SNX25: variants seen among roughly 807,000 people sequenced by gnomAD.
SNX25 encodes the protein sorting nexin 25.
A neutral mutation model predicts 113.7 loss-of-function variants in SNX25; 62 were observed. The ratio of observed to expected loss-of-function variants is 0.55; its 90% CI spans 0.44 to 0.67. The LOEUF is 0.67. SNX25 is among the 30% of genes least tolerant of loss of function. The pLI is 0.00. For missense variants in SNX25, 1,014 were observed against 1,161.0 expected, an observed-to-expected ratio of 0.87 and a Z score of 1.84; for synonymous variants, 421 against 436.2, an observed-to-expected ratio of 0.97 and a Z score of 0.43.
At chr4:185,306,068 ACT>A (rs1167035913) in intron 6 of SNX25, among the ~76,000 whole-genome samples, 1 of 152,030 alleles carries the variant, frequency 6.6e-6, no homozygotes, top group Non-Finnish European at 1.5e-5. Flanking sequence ...CAGCCACATA[ACT>A]CTGGCATGAG....
chr4:185,216,043 C>T (rs1579313993), intron 1 of SNX25, among the ~76,000 whole-genome samples: 1 of 152,102 alleles, frequency 6.6e-6, no homozygotes, highest in Non-Finnish European at 1.5e-5. Flanking sequence ...GTGATCCACC[C>T]GTCTTGGCCT....
downstream of SNX25, among the ~76,000 whole-genome samples, chr4:185,368,651 C>A (rs1253144222): frequency 6.6e-6 from 1 of 152,180 alleles, no homozygotes; most frequent in East Asian, 1.9e-4. Context: ...TTATCAGTAT[C>A]CCCATAATGT....
At chr4:185,269,023 T>C (rs543702685) in intron 5 of SNX25, among the ~76,000 whole-genome samples, 1 of 152,204 alleles carries the variant, frequency 6.6e-6, no homozygotes, top group South Asian at 2.1e-4. Context: ...ATGATATTCT[T>C]TATAGATTTG....
chr4:185,375,811 C>A, the SNX25 span: 1 of 709,880 alleles, frequency 1.4e-6, no homozygotes, highest in Non-Finnish European at 2.3e-6. Flanking sequence ...GTGTTTGTGC[C>A]CAAGTTAAAC....
intron 6 of SNX25, among the ~76,000 whole-genome samples, chr4:185,299,215 C>T (rs1395219635): frequency 1.3e-5 from 2 of 152,126 alleles, no homozygotes; most frequent in Non-Finnish European, 2.9e-5. Context: ...GGGTGGATGG[C>T]GGCACATGCG....
At chr4:185,311,725 A>G (rs565031023) in intron 7 of SNX25, among the ~76,000 whole-genome samples, 24 of 152,210 alleles carry the variant, frequency 1.6e-4, no homozygotes, top group Admixed American at 1.6e-3. Flanking sequence ...TCTCGGTTCT[A>G]CTTCAGCTAC....
At chr4:185,241,367 A>G (rs1743962633) in intron 1 of SNX25, among the ~76,000 whole-genome samples, 1 of 151,238 alleles carries the variant, frequency 6.6e-6, no homozygotes, top group Admixed American at 6.6e-5. Context: ...AATCGCAGGC[A>G]CTCGGCAGGC....
chr4:185,249,640 C>T (rs1745365044), intron 2 of SNX25, among the ~76,000 whole-genome samples: 1 of 151,476 alleles, frequency 6.6e-6, no homozygotes, highest in African/African-American at 2.4e-5. Flanking sequence ...CCTCTCTGTT[C>T]TTTAGATAGA....
chr4:185,211,447 G>C (rs889616735), intron 1 of SNX25, among the ~76,000 whole-genome samples: 2 of 152,102 alleles, frequency 1.3e-5, no homozygotes, highest in African/African-American at 4.8e-5. Flanking sequence ...AGCAGGAGTT[G>C]CGGAGCAGAT....
At chr4:185,316,858 T>C (rs1005408907) in intron 7 of SNX25, among the ~76,000 whole-genome samples, 2 of 152,208 alleles carry the variant, frequency 1.3e-5, no homozygotes, top group African/African-American at 4.8e-5. Context: ...ATTTTGTGCT[T>C]CAAAATGCTT....
intron 7 of SNX25, among the ~76,000 whole-genome samples, chr4:185,317,480 C>G (rs1490310011): frequency 6.6e-6 from 1 of 152,066 alleles, no homozygotes; most frequent in African/African-American, 2.4e-5. Flanking sequence ...GGTTTATACC[C>G]AAAGGATTAT....
chr4:185,254,929 T>TC (rs911686233), intron 2 of SNX25, among the ~76,000 whole-genome samples: 6 of 152,138 alleles, frequency 3.9e-5, no homozygotes, highest in Admixed American at 2.6e-4. Flanking sequence ...TCTGTATATT[T>TC]CTTTTTTTTT....
At chr4:185,357,977 C>G (rs1167252211) in intron 16 of SNX25, among the ~76,000 whole-genome samples, 1 of 152,136 alleles carries the variant, frequency 6.6e-6, no homozygotes, top group Admixed American at 6.5e-5. Context: ...CTCTGACTGG[C>G]GAGGGTCAGG....
At position 185,293,678 on chromosome 4, in the gene SNX25, T is replaced by C. The variant is rs572580257; in HGVS notation, c.1162+5596T>C. Among the ~76,000 whole-genome samples, 3 of 152,340 alleles carry C rather than the reference T, an allele frequency of 2.0e-5. No homozygotes were observed. In the East Asian group the frequency reaches 5.8e-4, roughly 29 times the overall value. On this transcript the variant is annotated intron_variant, in intron 6 of 18. Coordinates refer to ENST00000652585, the MANE Select transcript of SNX25 (RefSeq NM_001378034.2). ...ATTTTTATGTCATTTATTAGATGTT[T>C]AAAATTTTACAGAAAATTTTTGACA... is the stretch of plus-strand genomic sequence containing the variant.
chr4:185,360,221 C>T (rs2095355550), intron 16 of SNX25, among the ~76,000 whole-genome samples: 1 of 152,194 alleles, frequency 6.6e-6, no homozygotes, highest in South Asian at 2.1e-4. Flanking sequence ...TCTTAAACCA[C>T]AAGTTCTGTT....
At chr4:185,324,043 A>G (rs937165830) in intron 9 of SNX25, among the ~76,000 whole-genome samples, 19 of 152,174 alleles carry the variant, frequency 1.2e-4, no homozygotes, top group African/African-American at 4.6e-4. Flanking sequence ...TCTGACATAC[A>G]TCTTCCCTCA....
intron 1 of SNX25, among the ~76,000 whole-genome samples, chr4:185,212,491 G>GTTTTTTTTTTTTTTTT (rs61204525): frequency 9.5e-6 from 1 of 104,944 alleles, no homozygotes. Flanking sequence ...GTGTGTGTGT[G>GTTTTTTTTTTTTTTTT]TTTTTTTTTT....
intron 6 of SNX25, among the ~76,000 whole-genome samples, chr4:185,294,851 T>G (rs1439974451): frequency 7.2e-5 from 11 of 152,094 alleles, no homozygotes; most frequent in Non-Finnish European, 1.5e-4. Context: ...TAAGAACAAA[T>G]TTAGCATTCC....
intron 9 of SNX25, among the ~76,000 whole-genome samples, chr4:185,331,977 C>G (rs2095198605): frequency 6.6e-6 from 1 of 152,238 alleles, no homozygotes; most frequent in Non-Finnish European, 1.5e-5. Context: ...ATTGCTGTTG[C>G]TGCTCTTGAA....
Sources: gnomAD v4.1 joint callset for allele counts (sites outside exome capture counted in the v4.1 genomes callset) on GRCh38, gnomAD v4.1.1 for gene constraint, MANE v1.5 for transcripts, NCBI Gene and HGNC (gene_info 2026-07-23, HGNC 2026-07-21) for gene names.